Variants in LTBP4 observed in about 807,000 individuals in gnomAD.
LTBP4 encodes the protein latent-transforming growth factor beta-binding protein 4.
In LTBP4, 93 loss-of-function variants were observed where a neutral mutation model predicts 180.2. The observed-to-expected ratio is 0.52, with a 90% CI of 0.44 to 0.61. The LOEUF (loss-of-function observed/expected upper bound fraction) is 0.61. Ranked by LOEUF, LTBP4 falls within the 20% of genes least tolerant of loss-of-function variation. The pLI, the probability that LTBP4 is intolerant of heterozygous loss-of-function variation, is 0.00. For missense variants in LTBP4, 2,116 were observed against 2,256.5 expected (o/e 0.94, Z 1.26); for synonymous variants, 947 against 934.5 (o/e 1.01, Z -0.24).
chr19:40,627,938 C>T, intron 29 of LTBP4, 81 bp downstream of exon 29: 1 of 1,489,976 alleles, frequency 6.7e-7, no homozygotes, highest in Admixed American at 2.1e-5. Flanking sequence ...CTAGGGGGTG[C>T]TGGTCAGGGA....
Position 40,629,464 on chromosome 19 carries a change from G to A in LTBP4, c.4588G>A (p.Asp1530Asn). ...CGTCAACGCGCGTTGCCTCAACACG[G>A]ATGGCTCCTTCCGCTGCATCTGCCG... ...LCVNARCLNT[D>N]GSFRCICRPG... The change falls in exon 30 of 30, where the codon GAT becomes AAT. Residue 1530 changes from aspartate to asparagine, a missense_variant. Transcript: ENST00000396819. The surrounding 1 kb of genome is among the most constrained non-coding windows in gnomAD (Gnocchi z 4.5). 3.1e-6 allele frequency: 5 copies of A among 1,610,814 alleles called. No homozygotes were observed. Among genetic ancestry groups the A allele is most frequent in the Non-Finnish European group, 4.2e-6 (5 of 1,178,252 alleles).
At chr19:40,626,808 C>G (rs1599879723) in intron 27 of LTBP4, among the ~76,000 whole-genome samples, 167 bp from the exon 28 acceptor site, 1 of 152,162 alleles carries the variant, frequency 6.6e-6, no homozygotes, top group Non-Finnish European at 1.5e-5. Flanking sequence ...TCAGCACGTC[C>G]GAATCCCAGT....
In LTBP4 at chr19:40,613,199, G is replaced by A; in HGVS notation, c.2431+3G>A. The A allele has an allele frequency of 6.4e-7, 1 of 1,563,756 alleles. No individual in the cohort carries two copies. Among genetic ancestry groups the A allele is most frequent in the Non-Finnish European group, 8.7e-7 (1 of 1,154,164 alleles). ...GGGTCGGCCCGGGCCCTGCGCAGGT[G>A]AGCAGCATAGGGACCCGCCAGAGAG... On this transcript the variant is annotated splice_donor_region_variant and intron_variant, in intron 16 of 29. Transcript: ENST00000396819. The surrounding 1 kb of genome is among the most constrained non-coding windows in gnomAD (Gnocchi z 5.0).
chr19:40,613,203 A>T lies in LTBP4; in HGVS notation c.2431+7A>T. The T allele has an allele frequency of 6.4e-7, 1 of 1,562,840 alleles. No individual in the cohort carries two copies. The highest frequency in any genetic ancestry group is 8.7e-7 in the Non-Finnish European group (1 of 1,153,538). ...CGGCCCGGGCCCTGCGCAGGTGAGC[A>T]GCATAGGGACCCGCCAGAGAGTCTG... On this transcript the variant is annotated splice_region_variant and intron_variant, in intron 16 of 29. Transcript: ENST00000396819. This position sits in a 1 kb window ranked among gnomAD's most constrained non-coding sequence, Gnocchi z 5.0.
chr19:40,613,621 AGTTTTTAGCCGGG>A lies in LTBP4; in HGVS notation c.2557+95_2557+107del. On this transcript the variant is annotated intron_variant, in intron 17 of 29. Coordinates refer to ENST00000396819, the MANE Select transcript of LTBP4 (RefSeq NM_001042545.2). The surrounding 1 kb of genome is among the most constrained non-coding windows in gnomAD (Gnocchi z 5.0). ...AGAAGAGGGCGAAAAGGGGAAAACG[AGTTTTTAGCCGGG>A]GTATTCCAGCAGGATCAGGGGGCAG... The A allele has an allele frequency of 6.6e-7, 1 of 1,526,010 alleles. No individual in the cohort carries two copies. The highest frequency in any genetic ancestry group is 8.8e-7 in the Non-Finnish European group (1 of 1,138,026). 94.5% of individuals were successfully genotyped at this position (1,526,010 alleles called of 1,614,324 possible).
upstream of LTBP4, chr19:40,599,929 C>A: frequency 2.1e-6 from 1 of 469,016 alleles, no homozygotes; most frequent in Non-Finnish European, 3.8e-6. Flanking sequence ...CACTAGAGGC[C>A]TGGTCCCCAT....
upstream of LTBP4, chr19:40,597,174 G>A: frequency 7.0e-6 from 9 of 1,279,600 alleles, no homozygotes; most frequent in African/African-American, 1.6e-5. Flanking sequence ...GGGCGGGGCC[G>A]GGGCTAGCCT....
upstream of LTBP4, chr19:40,600,068 G>C (rs2081412800): frequency 1.6e-6 from 2 of 1,262,404 alleles, no homozygotes; most frequent in Non-Finnish European, 2.0e-6. This position sits in a 1 kb window ranked among gnomAD's most constrained non-coding sequence, Gnocchi z 4.4. Context: ...TCCCACCCAG[G>C]CTCCAGGAGG....
upstream of LTBP4, chr19:40,601,310 C>CGCGG (rs900917677): frequency 3.3e-5 from 32 of 962,554 alleles, no homozygotes; most frequent in South Asian, 9.4e-5. Flanking sequence ...CGACCTCCCC[C>CGCGG]GCGGGCGGGC....
rs555695926 is a variant in LTBP4 at position 40,623,460 on chromosome 19, C to T, written c.3557-144C>T. 6.6e-6 allele frequency: 7 copies of T among 1,052,704 alleles called. No homozygotes were observed. The African/African-American group carries it at 8.0e-5, about 12-fold the overall frequency. 65.2% of individuals were successfully genotyped at this position (1,052,704 alleles called of 1,614,324 possible). A position where few individuals can be genotyped will look rare whatever the true frequency, so the allele number is the denominator to read the frequency against. ...GAAGTGCTGGGATTTCAGGCATGAG[C>T]CACCGCTCCTGGCCTCTCCATCTTT... On this transcript the variant is annotated intron_variant, in intron 24 of 29. Transcript: ENST00000396819.
intron 26 of LTBP4, among the ~76,000 whole-genome samples, chr19:40,625,187 C>T (rs2081615081): frequency 7.0e-6 from 1 of 143,796 alleles, no homozygotes; most frequent in Non-Finnish European, 1.5e-5. Context: ...AATGATCCTC[C>T]CACCTCAGAC....
intron 29 of LTBP4, among the ~76,000 whole-genome samples, chr19:40,628,932 C>T (rs2081656906): frequency 1.3e-5 from 2 of 151,842 alleles, no homozygotes; most frequent in Admixed American, 1.3e-4. Flanking sequence ...TCACAGCAAC[C>T]TCCTCCTCCC....
At chr19:40,608,881 A>C (rs2081483942) in intron 9 of LTBP4, 2 of 205,212 alleles carry the variant, frequency 9.7e-6, no homozygotes, top group Non-Finnish European at 1.8e-5. Context: ...ATTGCACTCC[A>C]GCTTGAGCGA....
chr19:40,622,844 C>A lies in LTBP4; in HGVS notation c.3485-106C>A. ...CAGACATAAGGCTGAGAGGTGGGCA[C>A]TAACAGGCACAGGGCCAGAGGGACT... On this transcript the variant is annotated intron_variant, in intron 23 of 29. Coordinates refer to ENST00000396819, the MANE Select transcript of LTBP4 (RefSeq NM_001042545.2). This position sits in a 1 kb window ranked among gnomAD's most constrained non-coding sequence, Gnocchi z 5.1. 7.1e-7 allele frequency: 1 copy of A among 1,402,000 alleles called. No individual in the cohort carries two copies. Among genetic ancestry groups the A allele is most frequent in the Non-Finnish European group, 9.7e-7 (1 of 1,026,900 alleles). 86.8% of individuals were successfully genotyped at this position (1,402,000 alleles called of 1,614,324 possible). A position where few individuals can be genotyped will look rare whatever the true frequency, so the allele number is the denominator to read the frequency against.
At chr19:40,610,246 GC>G in intron 11 of LTBP4, 5 of 511,168 alleles carry the variant, frequency 9.8e-6, no homozygotes, top group Non-Finnish European at 1.7e-5. Context: ...TTCCAACCCT[GC>G]CACACCAGAG....
chr19:40,606,593 CT>C, intron 6 of LTBP4, 67 bp downstream of exon 6: 1 of 1,520,602 alleles, frequency 6.6e-7, no homozygotes, highest in Non-Finnish European at 8.9e-7. Context: ...CCAGAGCATC[CT>C]GGGGCCTTTA....
intron 28 of LTBP4, 117 bp downstream of exon 28, chr19:40,627,472 C>A: frequency 7.4e-7 from 1 of 1,342,756 alleles, no homozygotes; most frequent in Non-Finnish European, 9.9e-7. Context: ...CTGGAGAGAG[C>A]CACAGAAAGG....
At chr19:40,624,139 A>C in intron 26 of LTBP4, 57 bp downstream of exon 26, 2 of 1,463,168 alleles carry the variant, frequency 1.4e-6, no homozygotes, top group Non-Finnish European at 1.8e-6. Flanking sequence ...TCACACCCGC[A>C]CCCGGGCCAC....
At chr19:40,603,384 T>C (rs1400770971) in intron 1 of LTBP4, among the ~76,000 whole-genome samples, 1 of 152,166 alleles carries the variant, frequency 6.6e-6, no homozygotes, top group Non-Finnish European at 1.5e-5. Flanking sequence ...ACTCGGCCAA[T>C]TGAGCCTCTT....
Sources: gnomAD v4.1 joint callset for allele counts (sites outside exome capture counted in the v4.1 genomes callset) on GRCh38, gnomAD v4.1.1 for gene constraint, Gnocchi (gnomAD v3.1) non-coding constraint, MANE v1.5 for transcripts, NCBI Gene and HGNC (gene_info 2026-07-23, HGNC 2026-07-21) for gene names.